Variants in ACTR3C observed in about 807,000 individuals in gnomAD.
ACTR3C encodes the protein actin related protein 3C.
ACTR3C carries 18 observed loss-of-function variants against 26.3 expected under a neutral mutation model. The ratio of observed to expected loss-of-function variants is 0.68; its 90% CI spans 0.47 to 1.01. The LOEUF is 1.01. ACTR3C is among the 50% of genes least tolerant of loss of function. The pLI is 0.00. For synonymous variants in ACTR3C, 55 were observed against 94.5 expected, an observed-to-expected ratio of 0.58 and a Z score of 2.42; for missense variants, 184 against 250.7, an observed-to-expected ratio of 0.73 and a Z score of 1.80.
chr7:150,240,849 TTGA>T (rs2129608399), downstream of ACTR3C, among the ~76,000 whole-genome samples: 1 of 152,338 alleles, frequency 6.6e-6, no homozygotes, highest in South Asian at 2.1e-4. Flanking sequence ...GATCTAATAA[TTGA>T]TGATGAACTG....
the ACTR3C span, among the ~76,000 whole-genome samples, chr7:150,056,210 C>A: frequency 6.6e-6 from 1 of 152,118 alleles, no homozygotes; most frequent in Non-Finnish European, 1.5e-5. Flanking sequence ...CACAATAGAT[C>A]TTAAATATGG....
At chr7:150,318,534 T>C (rs1585019909) in intron 1 of ACTR3C, among the ~76,000 whole-genome samples, 1 of 152,120 alleles carries the variant, frequency 6.6e-6, no homozygotes, top group Non-Finnish European at 1.5e-5. Context: ...GAGGCCAAGG[T>C]GGGCGGATCA....
the ACTR3C span, among the ~76,000 whole-genome samples, chr7:150,179,639 C>T: frequency 1.3e-5 from 2 of 150,002 alleles, no homozygotes; most frequent in Admixed American, 6.6e-5. Context: ...GGCGTACCAC[C>T]ACACATGGCT....
chr7:149,906,613 G>A, the ACTR3C span, among the ~76,000 whole-genome samples: 1 of 149,114 alleles, frequency 6.7e-6, no homozygotes, highest in African/African-American at 2.5e-5. Context: ...TGTATTTTTA[G>A]TAGAGATGGG....
chr7:149,899,216 A>C, the ACTR3C span, among the ~76,000 whole-genome samples: 1 of 152,010 alleles, frequency 6.6e-6, no homozygotes, highest in Non-Finnish European at 1.5e-5. Context: ...CCGTGGCAAA[A>C]ACCAGTAACA....
chr7:149,958,310 T>C, the ACTR3C span, among the ~76,000 whole-genome samples: 1 of 152,032 alleles, frequency 6.6e-6, no homozygotes, highest in African/African-American at 2.4e-5. Context: ...GAATAAATAT[T>C]GAGTCTCACA....
At chr7:149,999,530 C>A in the ACTR3C span, among the ~76,000 whole-genome samples, 77,238 of 147,184 alleles carry the variant, frequency 0.52, 22,056 homozygotes, top group South Asian at 0.6. Flanking sequence ...AAGCCCACTT[C>A]TGAGGGTGTT....
intron 6 of ACTR3C, among the ~76,000 whole-genome samples, chr7:150,261,227 A>G (rs1196279364): frequency 1.3e-5 from 2 of 152,228 alleles, no homozygotes; most frequent in Non-Finnish European, 2.9e-5. Flanking sequence ...GGTATTGCTA[A>G]TGCAACTGTG....
chr7:150,030,443 C>T, the ACTR3C span, among the ~76,000 whole-genome samples: 23,243 of 151,940 alleles, frequency 0.15, 1,922 homozygotes, highest in South Asian at 0.2. Flanking sequence ...ATTCTAGACT[C>T]TTCATGGGAC....
At chr7:150,029,037 T>TA in the ACTR3C span, among the ~76,000 whole-genome samples, 1 of 151,806 alleles carries the variant, frequency 6.6e-6, no homozygotes, top group Non-Finnish European at 1.5e-5. Context: ...TGCTTCTGGG[T>TA]AATCTCTCAA....
intron 1 of ACTR3C, among the ~76,000 whole-genome samples, chr7:150,299,831 C>G (rs143051339): frequency 1.3e-5 from 2 of 151,914 alleles, no homozygotes; most frequent in Non-Finnish European, 2.9e-5. Context: ...AATGGGGACT[C>G]GTTCAATGAG....
chr7:150,301,315 G>A (rs544575240), intron 1 of ACTR3C, among the ~76,000 whole-genome samples: 19 of 152,304 alleles, frequency 1.2e-4, no homozygotes, highest in Admixed American at 9.8e-4. Flanking sequence ...AAGGTTTCTT[G>A]CCTCCCAGCA....
the ACTR3C span, among the ~76,000 whole-genome samples, chr7:150,199,205 C>T: frequency 0.12 from 16,896 of 139,664 alleles, 1,086 homozygotes; most frequent in Non-Finnish European, 0.17. Flanking sequence ...CGGATGGTTG[C>T]CGTGTCTGTG....
At chr7:150,321,613 G>A (rs541979817) in intron 1 of ACTR3C, among the ~76,000 whole-genome samples, 35 of 152,250 alleles carry the variant, frequency 2.3e-4, no homozygotes, top group Non-Finnish European at 4.7e-4. Context: ...GGTGGTTCAC[G>A]CCTGTAGTCT....
At chr7:149,956,217 T>C in the ACTR3C span, among the ~76,000 whole-genome samples, 1 of 152,130 alleles carries the variant, frequency 6.6e-6, no homozygotes, top group Non-Finnish European at 1.5e-5. Context: ...ATTCAGGTTA[T>C]TGTGTATAGA....
At chr7:150,170,678 A>T in the ACTR3C span, among the ~76,000 whole-genome samples, 1 of 150,722 alleles carries the variant, frequency 6.6e-6, no homozygotes, top group Non-Finnish European at 1.5e-5. Flanking sequence ...GACCCACCGT[A>T]AATAACAAAG....
At chr7:150,037,971 G>T in the ACTR3C span, among the ~76,000 whole-genome samples, 8 of 132,814 alleles carry the variant, frequency 6.0e-5, 2 homozygotes, top group Admixed American at 2.2e-4. Flanking sequence ...GGGGAGGAAA[G>T]GGGGAGGTTC....
chr7:149,890,240 C>T, the ACTR3C span, among the ~76,000 whole-genome samples: 3 of 151,682 alleles, frequency 2.0e-5, no homozygotes, highest in Non-Finnish European at 4.4e-5. Flanking sequence ...CAGCTTACGT[C>T]ACATGAAACT....
chr7:150,235,911 C>CT, the ACTR3C span, among the ~76,000 whole-genome samples: 1 of 151,686 alleles, frequency 6.6e-6, no homozygotes, highest in South Asian at 2.1e-4. Context: ...AAGTTCGGTG[C>CT]TTTTACTATC....
Sources: gnomAD v4.1 joint callset for allele counts (sites outside exome capture counted in the v4.1 genomes callset) on GRCh38, gnomAD v4.1.1 for gene constraint, MANE v1.5 for transcripts, NCBI Gene and HGNC (gene_info 2026-07-23, HGNC 2026-07-21) for gene names.